FGFR1: variants seen among roughly 807,000 people sequenced by gnomAD.
The protein encoded by FGFR1 is fibroblast growth factor receptor 1.
Under a neutral mutation model 93.7 loss-of-function variants are expected in FGFR1, and 18 were observed. The observed-to-expected ratio is 0.19, with a 90% confidence interval of 0.13 to 0.28. FGFR1 has a LOEUF of 0.28. Ranked by LOEUF, FGFR1 falls within the 10% of genes least tolerant of loss-of-function variation. The pLI, the probability that FGFR1 is intolerant of heterozygous loss-of-function variation, is 1.00. For missense variants in FGFR1, 731 were observed against 1,080.4 expected (o/e 0.68, Z 4.53); for synonymous variants, 448 against 429.3 (o/e 1.04, Z -0.54).
Position 38,412,787 on chromosome 8 carries a change from T to C in FGFR1, c.*841A>G. On this transcript the variant is annotated 3_prime_UTR_variant, in exon 18 of 18. Coordinates refer to ENST00000447712, the MANE Select transcript of FGFR1 (RefSeq NM_023110.3). ...AACTGAAAATAGGTTTAGAACATAATTTAAAAAAATAAAACAGCAAAAGTA... is the reference window on the plus strand; with the variant it reads ...AACTGAAAATAGGTTTAGAACATAACTTAAAAAAATAAAACAGCAAAAGTA... 4.3e-6 allele frequency: 1 copy of C among 233,576 alleles called. No homozygotes were observed. Among genetic ancestry groups the C allele is most frequent in the South Asian group, 1.8e-4 (1 of 5,526 alleles). 14.5% of individuals were successfully genotyped at this position (233,576 alleles called of 1,614,324 possible).
At position 38,468,483 on chromosome 8, in the gene FGFR1, G is replaced by A; in HGVS notation, c.-591C>T. On this transcript the variant is annotated 5_prime_UTR_variant, in exon 1 of 18. Transcript: ENST00000447712. ...AGGTCGCCGCAATGCGCTACGAGGG[G>A]TCTCGGTCCCGTCCGGACGTGGCCG... 1 of 228,732 alleles carries A rather than the reference G, an allele frequency of 4.4e-6. No homozygotes were observed. The highest frequency in any genetic ancestry group is 8.7e-6 in the Non-Finnish European group (1 of 114,916). 14.2% of individuals were successfully genotyped at this position (228,732 alleles called of 1,614,324 possible). A position where few individuals can be genotyped will look rare whatever the true frequency, so the allele number is the denominator to read the frequency against.
intron 8 of FGFR1, chr8:38,421,513 G>C (rs1411997789): frequency 2.0e-6 from 1 of 503,656 alleles, no homozygotes; most frequent in Non-Finnish European, 3.6e-6. Context: ...GAGGAGTCGG[G>C]CTGCAGGGTA....
At chr8:38,415,384 C>T (rs907404209) in intron 13 of FGFR1, among the ~76,000 whole-genome samples, 10 of 152,102 alleles carry the variant, frequency 6.6e-5, no homozygotes, top group African/African-American at 2.4e-4. Flanking sequence ...GCCTCAAACT[C>T]TTGGGCTCAA....
At chr8:38,463,661 G>GA (rs527568647) in intron 1 of FGFR1, among the ~76,000 whole-genome samples, 50 of 152,124 alleles carry the variant, frequency 3.3e-4, no homozygotes, top group Non-Finnish European at 6.9e-4. Flanking sequence ...TACTCCTCCA[G>GA]AAAAAGAGGC....
In FGFR1 at chr8:38,435,903, A is replaced by G. The variant is rs145781930; in HGVS notation, c.92-5955T>C. Among the ~76,000 whole-genome samples, 719 of 152,338 alleles carry G rather than the reference A, an allele frequency of 4.7e-3. 4 individuals are homozygous for G. Among genetic ancestry groups the G allele is most frequent in the African/African-American group, 0.017 (687 of 41,574 alleles). On this transcript the variant is annotated intron_variant, in intron 2 of 17. Coordinates refer to ENST00000447712, the MANE Select transcript of FGFR1 (RefSeq NM_023110.3). Reference sequence around the variant, plus strand: ...TACAAAGGTTGTCCTCAAAATGCACATGGGGATGCTGTGAGGGAAGCAGCA... The same window carrying G: ...TACAAAGGTTGTCCTCAAAATGCACGTGGGGATGCTGTGAGGGAAGCAGCA...
In FGFR1 at chr8:38,429,767, G is replaced by T. The variant is rs201823433; in HGVS notation, c.273C>A (p.Ser91=). Residue 91 remains serine (S), a synonymous_variant, in exon 3 of 18, where the codon TCC becomes TCA. Transcript: ENST00000447712. The surrounding 1 kb of genome is among the most constrained non-coding windows in gnomAD (Gnocchi z 4.4). ...ITGEEVEVQD[S]VPADSGLYAC... is the part of the protein sequence containing the mutation. Reference sequence around the variant, plus strand: ...CATAGAGGCCGGAGTCTGCGGGCACGGAGTCCTGCACCTCCACCTCCTCCC... The same window carrying T: ...CATAGAGGCCGGAGTCTGCGGGCACTGAGTCCTGCACCTCCACCTCCTCCC... 3.1e-6 allele frequency: 5 copies of T among 1,606,970 alleles called. No homozygotes were observed. In the South Asian group the frequency reaches 5.6e-5, roughly 18 times the overall value.
Position 38,426,483 on chromosome 8 carries a change from AT to A in FGFR1, c.622-239del, listed in dbSNP as rs1470247396. ...AGTCTCCACTGTGACGTTCAAGATC[AT>A]TCGTGATCCGGACAGATGTGCCTTC... On this transcript the variant is annotated intron_variant, in intron 5 of 17. Transcript: ENST00000447712. The surrounding 1 kb of genome is among the most constrained non-coding windows in gnomAD (Gnocchi z 4.1). 2.0e-5 allele frequency among the ~76,000 whole-genome samples: 3 copies of A among 152,228 alleles called. No homozygotes were observed. Among genetic ancestry groups the A allele is most frequent in the Non-Finnish European group, 4.4e-5 (3 of 68,038 alleles).
At chr8:38,422,165 G>A in intron 7 of FGFR1, 2 of 569,804 alleles carry the variant, frequency 3.5e-6, no homozygotes, top group South Asian at 1.9e-5. Flanking sequence ...AGAAGACGAT[G>A]GCTGGTTACG....
In FGFR1 at chr8:38,415,923, C is replaced by T. The variant is rs2150584228; in HGVS notation, c.1801G>A (p.Val601Met). Residue 601 changes from valine to methionine, a missense_variant, in exon 13 of 18, where the codon GTG becomes ATG. Coordinates refer to ENST00000447712, the MANE Select transcript of FGFR1 (RefSeq NM_023110.3). ...CGGGCCACCTGGTAGGCGCAGGACA[C>T]CAGGTCCTTGGAGGAGAGCTGCTCC... ...PEEQLSSKDL[V>M]SCAYQVARGM... 1 of 1,614,088 alleles carries T rather than the reference C, an allele frequency of 6.2e-7. No homozygotes were observed. The highest frequency in any genetic ancestry group is 8.5e-7 in the Non-Finnish European group (1 of 1,180,028).
At chr8:38,417,006 G>A (rs574938391) in intron 12 of FGFR1, among the ~76,000 whole-genome samples, 5 of 151,808 alleles carry the variant, frequency 3.3e-5, no homozygotes, top group East Asian at 3.9e-4. Context: ...TTCCTGCCTC[G>A]GCCTCCCAAA....
intron 12 of FGFR1, among the ~76,000 whole-genome samples, chr8:38,417,094 A>G (rs1219778251): frequency 6.6e-6 from 1 of 152,202 alleles, no homozygotes; most frequent in East Asian, 1.9e-4. Flanking sequence ...GCCTCTGTTA[A>G]CACACCACGT....
intron 1 of FGFR1, among the ~76,000 whole-genome samples, chr8:38,464,923 A>C (rs1249350408): frequency 6.6e-6 from 1 of 152,234 alleles, no homozygotes; most frequent in Admixed American, 6.5e-5. Context: ...AGTTCATACC[A>C]GCAAATCTCT....
intron 11 of FGFR1, 145 bp downstream of exon 11, chr8:38,417,725 C>T (rs954626838): frequency 8.9e-7 from 1 of 1,128,552 alleles, no homozygotes; most frequent in Non-Finnish European, 1.3e-6. Context: ...CAGAACACCC[C>T]CTCCACTCCC....
At chr8:38,443,040 A>C (rs1372206907) in intron 2 of FGFR1, among the ~76,000 whole-genome samples, 1 of 152,250 alleles carries the variant, frequency 6.6e-6, no homozygotes, top group Non-Finnish European at 1.5e-5. Flanking sequence ...TAAAGACAAT[A>C]AAACATCCTT....
chr8:38,439,616 C>G (rs1224078777), intron 2 of FGFR1, among the ~76,000 whole-genome samples: 1 of 152,184 alleles, frequency 6.6e-6, no homozygotes, highest in Non-Finnish European at 1.5e-5. Context: ...ACCACGTCCT[C>G]TCCCACCCCT....
intron 2 of FGFR1, among the ~76,000 whole-genome samples, chr8:38,450,077 A>C (rs866665960): frequency 1.3e-5 from 2 of 152,220 alleles, no homozygotes; most frequent in Admixed American, 6.5e-5. Context: ...AGACTCCAGC[A>C]GGCTTCTCCT....
In FGFR1 at chr8:38,413,862, G is replaced by A; in HGVS notation, c.2292+56C>T. The A allele has an allele frequency of 4.3e-6, 7 of 1,613,330 alleles. No individual in the cohort carries two copies. The highest frequency in any genetic ancestry group is 1.7e-5 in the Admixed American group (1 of 59,958). ...GGGCCCCTCCTCCCTGCTCAGGGAG[G>A]TGCGTGCACGCAGTGGGGACGGCCT... On this transcript the variant is annotated intron_variant, in intron 17 of 17. Transcript: ENST00000447712. The surrounding 1 kb of genome is among the most constrained non-coding windows in gnomAD (Gnocchi z 4.2).
chr8:38,413,197 T>C lies in FGFR1; in HGVS notation c.*431A>G. Reference sequence around the variant, plus strand: ...AGGCACGAAGCACTGACCTCCCTACTGCTGTAGCCCTGAGGACAAGGCACC... The same window carrying C: ...AGGCACGAAGCACTGACCTCCCTACCGCTGTAGCCCTGAGGACAAGGCACC... On this transcript the variant is annotated 3_prime_UTR_variant, in exon 18 of 18. Transcript: ENST00000447712. This position sits in a 1 kb window ranked among gnomAD's most constrained non-coding sequence, Gnocchi z 4.2. The C allele has an allele frequency of 3.7e-6, 1 of 269,306 alleles. No homozygotes were observed. The highest frequency in any genetic ancestry group is 7.1e-6 in the Non-Finnish European group (1 of 140,054). 16.7% of individuals were successfully genotyped at this position (269,306 alleles called of 1,614,324 possible). A position where few individuals can be genotyped will look rare whatever the true frequency, so the allele number is the denominator to read the frequency against.
chr8:38,418,409 G>A (rs756501869), intron 9 of FGFR1, 36 bp from the exon 10 acceptor site: 5 of 1,602,520 alleles, frequency 3.1e-6, no homozygotes, highest in Admixed American at 1.7e-5. Context: ...AGAGCAAGGA[G>A]GGGGGACGGG....
Sources: allele counts gnomAD v4.1 joint callset (sites outside exome capture counted in the v4.1 genomes callset), GRCh38; gene constraint gnomAD v4.1.1; non-coding constraint Gnocchi (gnomAD v3.1); transcripts MANE v1.5; gene names NCBI Gene and HGNC (gene_info 2026-07-23, HGNC 2026-07-21).